MYO1B: variants seen among roughly 807,000 people sequenced by gnomAD.
MYO1B encodes the protein unconventional myosin-Ib.
MYO1B carries 72 observed loss-of-function variants against 159.7 expected under a neutral mutation model. The observed-to-expected ratio is 0.45, with a 90% CI of 0.37 to 0.55. The LOEUF (loss-of-function observed/expected upper bound fraction) is 0.55, where lower values mean the gene tolerates loss of function less well. Among genes scored for constraint, MYO1B ranks in the 20% least tolerant of loss-of-function variants. The pLI is 0.00. For missense variants in MYO1B, 1,062 were observed against 1,364.8 expected (o/e 0.78, Z 3.50); for synonymous variants, 468 against 473.8 (o/e 0.99, Z 0.16).
At position 191,423,977 on chromosome 2, in the gene MYO1B, A is replaced by G. The variant is rs774033228; in HGVS notation, c.*17A>G. ...GTCCCTTAACTGGCGCCTCCTCTCTACTTTCATGGACTTGTTCCTTTGTAA... is the reference window on the plus strand; with the variant it reads ...GTCCCTTAACTGGCGCCTCCTCTCTGCTTTCATGGACTTGTTCCTTTGTAA... On this transcript the variant is annotated 3_prime_UTR_variant, in exon 31 of 31. Coordinates refer to ENST00000392318, the MANE Select transcript of MYO1B (RefSeq NM_001130158.3). The G allele has an allele frequency of 2.5e-6, 4 of 1,610,082 alleles. No individual in the cohort carries two copies. The highest frequency in any genetic ancestry group is 3.4e-6 in the Non-Finnish European group (4 of 1,178,490).
At chr2:191,280,046 C>G (rs1687965459) in intron 2 of MYO1B, among the ~76,000 whole-genome samples, 1 of 152,138 alleles carries the variant, frequency 6.6e-6, no homozygotes, top group Admixed American at 6.5e-5. Context: ...TCCTCCCTCC[C>G]CCAACATATT....
Position 191,425,361 on chromosome 2 carries a change from T to C in MYO1B, c.*1401T>C, listed in dbSNP as rs1559259076. The stretch of plus-strand genomic sequence containing the variant: ...TTCTCTTGACTTGTATTTTTAAAAA[T>C]TGCTCACATAAAGAAGTTCTCAGAA... On this transcript the variant is annotated 3_prime_UTR_variant, in exon 31 of 31. Transcript: ENST00000392318. The C allele has an allele frequency of 6.6e-6, 1 of 152,268 alleles. No homozygotes were observed. Among genetic ancestry groups the C allele is most frequent in the East Asian group, 1.9e-4 (1 of 5,192 alleles). The allele number at this position is 152,268 out of a possible 1,614,324, so 9.4% of individuals were successfully genotyped here.
At chr2:191,400,608 T>C in intron 22 of MYO1B, 140 bp downstream of exon 22, 1 of 1,329,760 alleles carries the variant, frequency 7.5e-7, no homozygotes, top group East Asian at 2.4e-5. Context: ...TTCCAACATT[T>C]TGTTGTGGGG....
intron 1 of MYO1B, among the ~76,000 whole-genome samples, chr2:191,250,596 T>A (rs1686050493): frequency 6.6e-6 from 1 of 152,244 alleles, no homozygotes; most frequent in South Asian, 2.1e-4. Context: ...AATGAGTCAT[T>A]CACATTGAGT....
At chr2:191,276,551 A>C (rs1310332163) in intron 1 of MYO1B, among the ~76,000 whole-genome samples, 1 of 152,106 alleles carries the variant, frequency 6.6e-6, no homozygotes, top group Non-Finnish European at 1.5e-5. Flanking sequence ...GAGGGAAAGT[A>C]GGGGTGGGTT....
At position 191,346,230 on chromosome 2, in the gene MYO1B, T is replaced by A. The variant is rs773664533; in HGVS notation, c.452-6T>A. 13 of 1,561,754 alleles carry A rather than the reference T, an allele frequency of 8.3e-6. No individual in the cohort carries two copies. The highest frequency in any genetic ancestry group is 1.1e-5 in the Non-Finnish European group (13 of 1,151,652). On this transcript the variant is annotated splice_region_variant and splice_polypyrimidine_tract_variant and intron_variant, in intron 5 of 30. Coordinates refer to ENST00000392318, the MANE Select transcript of MYO1B (RefSeq NM_001130158.3). ...TTTAACCATACATCTGTTTCTTTCC[T>A]ACTAGCTTTTGGAAATGCCAAAACT...
intron 4 of MYO1B, among the ~76,000 whole-genome samples, chr2:191,332,155 G>A (rs1691526907): frequency 6.6e-6 from 1 of 152,040 alleles, no homozygotes; most frequent in Non-Finnish European, 1.5e-5. Flanking sequence ...TAGAGATGGG[G>A]TTTCACCATG....
At chr2:191,321,484 G>A (rs1690708341) in intron 3 of MYO1B, among the ~76,000 whole-genome samples, 1 of 152,140 alleles carries the variant, frequency 6.6e-6, no homozygotes, top group East Asian at 1.9e-4. Context: ...AAAGAGTTGG[G>A]TATTAAAAGG....
intron 3 of MYO1B, among the ~76,000 whole-genome samples, chr2:191,301,958 T>C (rs1340696711): frequency 1.3e-5 from 2 of 152,206 alleles, no homozygotes; most frequent in African/African-American, 4.8e-5. Context: ...TAGTGTAGTG[T>C]TCAAGGCCCT....
rs541803047 is a variant in MYO1B, at chr2:191,302,654, T to C, written c.251+6428T>C. On this transcript the variant is annotated intron_variant, in intron 3 of 30. Coordinates refer to ENST00000392318, the MANE Select transcript of MYO1B (RefSeq NM_001130158.3). ...CTGGCAACAAGCCCTCTGGTGGTCA[T>C]AGCCCAGGAGTGAGCTGAGATGTGT... Among the ~76,000 whole-genome samples, 6 of 152,352 alleles carry C rather than the reference T, an allele frequency of 3.9e-5. No homozygotes were observed. In the South Asian group the frequency reaches 1.0e-3, roughly 26 times the overall value.
rs1225592385 is a variant in MYO1B at position 191,369,769 on chromosome 2, A to G, written c.1119+141A>G. On this transcript the variant is annotated intron_variant, in intron 12 of 30. Transcript: ENST00000392318. ...ATTCCTTAAAAAGAGTGTACCATGT[A>G]TAAGATTGAAATTTGTCAGGGATTT... 7.3e-6 allele frequency: 5 copies of G among 681,116 alleles called. No individual in the cohort carries two copies. The East Asian group carries it at 1.4e-4, about 19-fold the overall frequency. 42.2% of individuals were successfully genotyped at this position (681,116 alleles called of 1,614,324 possible).
chr2:191,350,323 AAT>A, intron 7 of MYO1B, 98 bp downstream of exon 7: 1 of 802,036 alleles, frequency 1.2e-6, no homozygotes, highest in Non-Finnish European at 2.0e-6. Flanking sequence ...GAGGCATAAG[AAT>A]ATGTTTCCTT....
intron 19 of MYO1B, 76 bp downstream of exon 19, chr2:191,392,277 T>G (rs1265992233): frequency 5.7e-6 from 6 of 1,054,192 alleles, no homozygotes; most frequent in Non-Finnish European, 8.3e-6. Flanking sequence ...TGTTTAACTT[T>G]ATAACATTAT....
At chr2:191,410,839 G>A (rs1287996532) in intron 26 of MYO1B, among the ~76,000 whole-genome samples, 1 of 152,194 alleles carries the variant, frequency 6.6e-6, no homozygotes, top group Non-Finnish European at 1.5e-5. Context: ...GCCCTGGTGT[G>A]TTTTGAAGAA....
intron 29 of MYO1B, among the ~76,000 whole-genome samples, chr2:191,415,531 A>G (rs912165549): frequency 1.3e-5 from 2 of 152,140 alleles, no homozygotes; most frequent in African/African-American, 4.8e-5. Context: ...TGCCCAGGCC[A>G]TACCCCTATG....
In MYO1B at chr2:191,394,644, G is replaced by A. The variant is rs115545716; in HGVS notation, c.2226+1422G>A. 5.4e-3 allele frequency among the ~76,000 whole-genome samples: 815 copies of A among 152,266 alleles called. 4 individuals are homozygous for A. Among genetic ancestry groups the A allele is most frequent in the African/African-American group, 0.019 (785 of 41,546 alleles). On this transcript the variant is annotated intron_variant, in intron 20 of 30. Transcript: ENST00000392318. ...TAGAGAACTGCCATAAAGAATAATG[G>A]GGAGGCGGGATGTGACCTAAGCTAG...
chr2:191,365,187 G>A (rs911100015), intron 11 of MYO1B, among the ~76,000 whole-genome samples: 32 of 152,160 alleles, frequency 2.1e-4, no homozygotes, highest in East Asian at 5.8e-4. Flanking sequence ...TATGGCTTAC[G>A]CATTTTACCA....
At chr2:191,376,652 A>G (rs1267496894) in intron 13 of MYO1B, among the ~76,000 whole-genome samples, 1 of 152,172 alleles carries the variant, frequency 6.6e-6, no homozygotes, top group Non-Finnish European at 1.5e-5. Flanking sequence ...CAAAGTGCTG[A>G]ACTATAAGAA....
chr2:191,363,593 T>G (rs1286301142), intron 9 of MYO1B, 135 bp from the exon 10 acceptor site: 11 of 1,213,442 alleles, frequency 9.1e-6, no homozygotes, highest in Non-Finnish European at 1.2e-5. Flanking sequence ...GAATCACAGT[T>G]GGAAACCACT....
Sources: allele counts gnomAD v4.1 joint callset (sites outside exome capture counted in the v4.1 genomes callset), GRCh38; gene constraint gnomAD v4.1.1; transcripts MANE v1.5; gene names NCBI Gene and HGNC (gene_info 2026-07-23, HGNC 2026-07-21).